Variants in GPHN observed in about 807,000 individuals in gnomAD.
GPHN encodes gephyrin.
A neutral mutation model predicts 95.5 loss-of-function variants in GPHN; 17 were observed. The observed-to-expected ratio is 0.18, with a 90% confidence interval of 0.12 to 0.27. The LOEUF (loss-of-function observed/expected upper bound fraction) is 0.27. Among genes scored for constraint, GPHN ranks in the 10% least tolerant of loss-of-function variants. The pLI is 1.00. For synonymous variants in GPHN, 320 were observed against 322.5 expected, an observed-to-expected ratio of 0.99 and a Z score of 0.08; for missense variants, 660 against 978.1, an observed-to-expected ratio of 0.67 and a Z score of 4.34.
intron 12 of GPHN, among the ~76,000 whole-genome samples, chr14:67,089,780 C>A (rs747499404): frequency 2.0e-5 from 3 of 152,054 alleles, no homozygotes; most frequent in Non-Finnish European, 4.4e-5. Flanking sequence ...ATTCTGGCGC[C>A]CCAGCAGCTC....
chr14:66,897,271 C>T (rs2064901027), intron 5 of GPHN, among the ~76,000 whole-genome samples: 1 of 151,978 alleles, frequency 6.6e-6, no homozygotes, highest in Admixed American at 6.6e-5. Flanking sequence ...TCATATTTTG[C>T]CTGTTGTGAA....
chr14:66,565,640 G>A (rs2319389), intron 1 of GPHN, among the ~76,000 whole-genome samples: 77,840 of 151,920 alleles, frequency 0.51, 23,050 homozygotes, highest in African/African-American at 0.82. Flanking sequence ...ACCACATGTG[G>A]TTGTTAGGAC....
At chr14:67,567,149 G>A in the GPHN span, among the ~76,000 whole-genome samples, 4 of 152,110 alleles carry the variant, frequency 2.6e-5, no homozygotes, top group Non-Finnish European at 2.9e-5. Flanking sequence ...CGTGTTCCGT[G>A]TTCCGGGGAG....
At chr14:66,788,660 T>C (rs923413890) in intron 3 of GPHN, among the ~76,000 whole-genome samples, 1 of 152,220 alleles carries the variant, frequency 6.6e-6, no homozygotes, top group Non-Finnish European at 1.5e-5. Flanking sequence ...TGTTTGTTTT[T>C]GTTTATGTTT....
At chr14:66,915,542 A>C (rs2065859444) in intron 5 of GPHN, among the ~76,000 whole-genome samples, 1 of 152,184 alleles carries the variant, frequency 6.6e-6, no homozygotes, top group South Asian at 2.1e-4. Flanking sequence ...TCTGCCATTC[A>C]CTTGTGAAAA....
At chr14:66,928,039 TA>T (rs1376964374) in intron 8 of GPHN, among the ~76,000 whole-genome samples, 1 of 152,242 alleles carries the variant, frequency 6.6e-6, no homozygotes, top group East Asian at 1.9e-4. Context: ...ATCAGGGTAA[TA>T]CTGACCTTGT....
chr14:67,450,006 G>A, the GPHN span: 1 of 153,440 alleles, frequency 6.5e-6, no homozygotes, highest in Non-Finnish European at 1.4e-5. Context: ...AGGTTGCAGT[G>A]AGCTGAGATC....
the GPHN span, among the ~76,000 whole-genome samples, chr14:67,694,467 T>C: frequency 1.3e-3 from 141 of 104,902 alleles, no homozygotes; most frequent in East Asian, 0.01. Flanking sequence ...CACACACACA[T>C]ATATATATAT....
chr14:67,536,912 C>A, the GPHN span, among the ~76,000 whole-genome samples: 1 of 151,412 alleles, frequency 6.6e-6, no homozygotes, highest in Non-Finnish European at 1.5e-5. Context: ...TGGTGGCATC[C>A]GCCTGTAATC....
the GPHN span, among the ~76,000 whole-genome samples, chr14:67,363,724 GATAC>G: frequency 1.3e-5 from 2 of 152,218 alleles, no homozygotes; most frequent in Non-Finnish European, 2.9e-5. Context: ...GTAGTGGAAA[GATAC>G]ATAAGTCAGT....
chr14:66,904,952 A>G (rs117846778), intron 5 of GPHN, among the ~76,000 whole-genome samples: 2,046 of 152,156 alleles, frequency 0.013, 14 homozygotes, highest in Non-Finnish European at 0.023. Context: ...GTACCTGAAT[A>G]TTTATATCCT....
At chr14:67,726,996 C>T in the GPHN span, 27 of 1,612,662 alleles carry the variant, frequency 1.7e-5, no homozygotes, top group Admixed American at 3.3e-5. Context: ...TTCCTCCTCA[C>T]CTACCTGCTC....
intron 18 of GPHN, among the ~76,000 whole-genome samples, chr14:67,145,472 A>G (rs1249755960): frequency 2.6e-5 from 4 of 152,208 alleles, no homozygotes; most frequent in Non-Finnish European, 2.9e-5. Context: ...CTCTCTGTAT[A>G]ATAAGATACT....
the GPHN span, chr14:67,473,073 C>A: frequency 3.6e-6 from 1 of 275,462 alleles, no homozygotes. This position sits in a 1 kb window ranked among gnomAD's most constrained non-coding sequence, Gnocchi z 6.5. Flanking sequence ...CACCTGCGGC[C>A]CCATTCTCAT....
the GPHN span, among the ~76,000 whole-genome samples, chr14:67,296,470 A>G: frequency 1.3e-5 from 2 of 151,290 alleles, no homozygotes; most frequent in East Asian, 2.0e-4. Flanking sequence ...GTGTGGTGGT[A>G]CTCAGGAGGC....
At chr14:66,600,138 G>C (rs2062164815) in intron 1 of GPHN, among the ~76,000 whole-genome samples, 1 of 151,842 alleles carries the variant, frequency 6.6e-6, no homozygotes, top group Admixed American at 6.6e-5. Flanking sequence ...TTATTCTTCA[G>C]TGTGTTTGAT....
intron 3 of GPHN, among the ~76,000 whole-genome samples, chr14:66,814,189 A>G (rs1595992405): frequency 6.6e-6 from 1 of 152,118 alleles, no homozygotes; most frequent in Non-Finnish European, 1.5e-5. Flanking sequence ...TTGCACTAAC[A>G]TTGCACAGAG....
intron 1 of GPHN, among the ~76,000 whole-genome samples, chr14:66,603,428 A>G (rs764589584): frequency 4.0e-5 from 6 of 151,884 alleles, no homozygotes; most frequent in Non-Finnish European, 8.8e-5. Context: ...ACATTTTCCT[A>G]TGCCACCAAA....
At chr14:67,334,609 C>T in the GPHN span, 6 of 152,412 alleles carry the variant, frequency 3.9e-5, no homozygotes, top group Admixed American at 6.6e-5. Flanking sequence ...TTTGCATGGC[C>T]TATTAAGTTG....
Sources: gnomAD v4.1 joint callset for allele counts (sites outside exome capture counted in the v4.1 genomes callset) on GRCh38, gnomAD v4.1.1 for gene constraint, Gnocchi (gnomAD v3.1) non-coding constraint, MANE v1.5 for transcripts, NCBI Gene and HGNC (gene_info 2026-07-23, HGNC 2026-07-21) for gene names.